The following HRH1 variants were observed in gnomAD, a reference collection of about 807,000 sequenced individuals.
HRH1 encodes histamine receptor H1, also known as histamine H1 receptor.
In HRH1, 6 loss-of-function variants were observed where a neutral mutation model predicts 10.3. That is an observed-to-expected ratio of 0.58 (90% CI 0.32 to 1.15). The LOEUF is 1.15. Among genes scored for constraint, HRH1 ranks in the 50% most tolerant of loss-of-function variants. HRH1 has a pLI of 0.05. For synonymous variants in HRH1, 242 were observed against 236.7 expected, an observed-to-expected ratio of 1.02 and a Z score of -0.21; for missense variants, 514 against 615.3, an observed-to-expected ratio of 0.84 and a Z score of 1.74.
chr3:11,218,162 T>C (rs971796180), intron 1 of HRH1, among the ~76,000 whole-genome samples: 1 of 152,184 alleles, frequency 6.6e-6, no homozygotes, highest in African/African-American at 2.4e-5. Flanking sequence ...AAAACAATTT[T>C]AAGGCCAGGC....
At chr3:11,219,331 C>T (rs1393094852) in intron 1 of HRH1, among the ~76,000 whole-genome samples, 1 of 152,042 alleles carries the variant, frequency 6.6e-6, no homozygotes, top group Non-Finnish European at 1.5e-5. Flanking sequence ...TTCATGGTTG[C>T]GTGGTTGTGA....
At position 11,259,967 on chromosome 3, in the gene HRH1, G is replaced by A. The variant is rs748713599; in HGVS notation, c.930G>A (p.Met310Ile). ...GCTTTCCACTTGATATTGTGCACAT[G>A]CAGGCTGCGGCAGAGGGGAGTAGCA... ...LYCFPLDIVH[M>I]QAAAEGSSRD... The change falls in exon 2 of 2, where the codon ATG (methionine) becomes ATA (isoleucine). Residue 310 changes from methionine to isoleucine, a missense_variant. By Grantham distance (10) the Met-to-Ile change is conservative. Coordinates refer to ENST00000431010, the MANE Select transcript of HRH1 (RefSeq NM_001098212.2). This position sits in a 1 kb window ranked among gnomAD's most constrained non-coding sequence, Gnocchi z 4.6. 6.2e-7 allele frequency: 1 copy of A among 1,614,212 alleles called. No homozygotes were observed. The highest frequency in any genetic ancestry group is 8.5e-7 in the Non-Finnish European group (1 of 1,180,042).
chr3:11,145,556 G>A (rs909031883), intron 1 of HRH1, among the ~76,000 whole-genome samples: 7 of 152,062 alleles, frequency 4.6e-5, no homozygotes, highest in Admixed American at 1.3e-4. Context: ...TTTTTGAAAT[G>A]TTTGCCTCTG....
intron 1 of HRH1, among the ~76,000 whole-genome samples, chr3:11,230,421 A>C (rs1400139703): frequency 6.6e-6 from 1 of 152,198 alleles, no homozygotes; most frequent in Non-Finnish European, 1.5e-5. Context: ...ACCAGTCCAG[A>C]CCTACTGGAT....
chr3:11,221,585 A>G (rs928504763), intron 1 of HRH1, among the ~76,000 whole-genome samples: 1 of 151,970 alleles, frequency 6.6e-6, no homozygotes, highest in African/African-American at 2.4e-5. Context: ...ATATATATCC[A>G]TAATACTTAC....
At chr3:11,205,250 T>C (rs1575010086) in intron 1 of HRH1, among the ~76,000 whole-genome samples, 1 of 152,094 alleles carries the variant, frequency 6.6e-6, no homozygotes, top group East Asian at 1.9e-4. Flanking sequence ...ATAGAACGCA[T>C]TGTACGGAAA....
chr3:11,207,089 G>T lies in HRH1; in HGVS notation c.-35-51914G>T, dbSNP rs536437319. 1.4e-4 allele frequency among the ~76,000 whole-genome samples: 21 copies of T among 152,316 alleles called. 1 individual carries two copies. The South Asian group carries it at 3.7e-3, about 27-fold the overall frequency. ...CTTCAGGGAGGGCACAGCAGGTGCA[G>T]TGGCATGGAGGTGTGAGATACTGGG... On this transcript the variant is annotated intron_variant, in intron 1 of 1. Coordinates refer to ENST00000431010, the MANE Select transcript of HRH1 (RefSeq NM_001098212.2).
At chr3:11,159,244 T>C (rs1203718887) in intron 1 of HRH1, among the ~76,000 whole-genome samples, 2 of 152,006 alleles carry the variant, frequency 1.3e-5, no homozygotes, top group African/African-American at 2.4e-5. Context: ...TGAGACTCTG[T>C]CTCAAAAAAA....
chr3:11,191,584 C>A (rs541351320), intron 1 of HRH1, among the ~76,000 whole-genome samples: 4 of 152,336 alleles, frequency 2.6e-5, no homozygotes, highest in South Asian at 2.1e-4. Context: ...ATGCACCCCC[C>A]ACCTGACTGG....
chr3:11,198,292 A>G (rs2125025665), intron 1 of HRH1, among the ~76,000 whole-genome samples: 2 of 151,834 alleles, frequency 1.3e-5, no homozygotes, highest in Admixed American at 1.3e-4. Flanking sequence ...TCACATCCAA[A>G]CCAGCTTCCA....
chr3:11,223,679 G>A (rs1938789534), intron 1 of HRH1, among the ~76,000 whole-genome samples: 1 of 152,204 alleles, frequency 6.6e-6, no homozygotes, highest in South Asian at 2.1e-4. Flanking sequence ...ACAGCAGCAA[G>A]CTGCTTCTGT....
intron 1 of HRH1, among the ~76,000 whole-genome samples, chr3:11,181,000 C>CAT (rs58068807): frequency 6.7e-6 from 1 of 149,356 alleles, no homozygotes; most frequent in Non-Finnish European, 1.5e-5. Context: ...CACACACACA[C>CAT]GGCCAGGCGC....
At chr3:11,208,940 A>G (rs1938230150) in intron 1 of HRH1, among the ~76,000 whole-genome samples, 1 of 152,240 alleles carries the variant, frequency 6.6e-6, no homozygotes, top group African/African-American at 2.4e-5. Flanking sequence ...AAAAGCTACA[A>G]AACTGCCCAC....
chr3:11,152,173 C>T (rs1364675868), upstream of HRH1, among the ~76,000 whole-genome samples: 20 of 152,170 alleles, frequency 1.3e-4, no homozygotes, highest in Admixed American at 1.2e-3. Flanking sequence ...ACAACAGTAC[C>T]TACCTCATGG....
intron 1 of HRH1, among the ~76,000 whole-genome samples, chr3:11,198,034 C>T (rs1160587973): frequency 1.3e-5 from 2 of 152,110 alleles, no homozygotes; most frequent in African/African-American, 2.4e-5. Flanking sequence ...GCCTCAGTTG[C>T]CTGGTTCTCC....
intron 1 of HRH1, among the ~76,000 whole-genome samples, chr3:11,237,349 T>C (rs1939208295): frequency 6.6e-6 from 1 of 152,160 alleles, no homozygotes; most frequent in African/African-American, 2.4e-5. Context: ...CTCTTCACAA[T>C]GGAAAAGAGG....
At chr3:11,219,945 GTGT>G (rs1287273100) in intron 1 of HRH1, among the ~76,000 whole-genome samples, 1,646 of 124,562 alleles carry the variant, frequency 0.013, 36 homozygotes, top group African/African-American at 0.045. Flanking sequence ...GTAACTTAAT[GTGT>G]TGTTTTTTTT....
At chr3:11,201,741 C>T (rs868693608) in intron 1 of HRH1, among the ~76,000 whole-genome samples, 12 of 152,242 alleles carry the variant, frequency 7.9e-5, no homozygotes, top group Middle Eastern at 3.2e-3. Context: ...GAAAGCTAGC[C>T]TGTCTGGGCC....
chr3:11,237,775 A>T (rs1183302749), intron 1 of HRH1, among the ~76,000 whole-genome samples: 2 of 140,454 alleles, frequency 1.4e-5, no homozygotes, highest in Non-Finnish European at 3.0e-5. Flanking sequence ...TCCCAGGTTC[A>T]AGCAATTCTC....
Sources: gnomAD v4.1 joint callset for allele counts (sites outside exome capture counted in the v4.1 genomes callset) on GRCh38, gnomAD v4.1.1 for gene constraint, Gnocchi (gnomAD v3.1) non-coding constraint, MANE v1.5 for transcripts, NCBI Gene and HGNC (gene_info 2026-07-23, HGNC 2026-07-21) for gene names.